WDR49: variants seen among roughly 807,000 people sequenced by gnomAD.
WDR49 encodes the protein WD repeat domain 49.
Under a neutral mutation model 119.5 loss-of-function variants are expected in WDR49, and 107 were observed. That is an observed-to-expected ratio of 0.90 (90% CI 0.77 to 1.05). The LOEUF (loss-of-function observed/expected upper bound fraction) is 1.05, where lower values mean the gene tolerates loss of function less well. WDR49 is among the 50% of genes least tolerant of loss of function. WDR49 has a pLI of 0.00. For synonymous variants in WDR49, 425 were observed against 418.8 expected (o/e 1.01, Z -0.18); for missense variants, 1,240 against 1,220.5 (o/e 1.02, Z -0.24).
At chr3:167,561,575 T>C (rs1319025890) in intron 8 of WDR49, among the ~76,000 whole-genome samples, 2 of 152,112 alleles carry the variant, frequency 1.3e-5, no homozygotes, top group Non-Finnish European at 2.9e-5. Flanking sequence ...GTGGAAAACC[T>C]GAAATCCACT....
intron 18 of WDR49, among the ~76,000 whole-genome samples, chr3:167,499,555 C>T (rs756301421): frequency 4.6e-5 from 7 of 152,152 alleles, no homozygotes; most frequent in Non-Finnish European, 8.8e-5. Context: ...AATTTTTCTA[C>T]AGAATTATTC....
chr3:167,512,463 G>T lies in WDR49; in HGVS notation c.2775-7047C>A, dbSNP rs996533026. Among the ~76,000 whole-genome samples, 3 of 152,240 alleles carry T rather than the reference G, an allele frequency of 2.0e-5. No homozygotes were observed. The South Asian group carries it at 6.2e-4, about 32-fold the overall frequency. The stretch of plus-strand genomic sequence containing the variant: ...ACAAAATCTCATCCAAAGGTCAGGA[G>T]CCTCAAAGATTGAAGGTAGATAAAC... On this transcript the variant is annotated intron_variant, in intron 16 of 18. Coordinates refer to ENST00000682715, the MANE Select transcript of WDR49 (RefSeq NM_001366157.1).
intron 9 of WDR49, among the ~76,000 whole-genome samples, chr3:167,558,953 G>A (rs1450464979): frequency 2.0e-5 from 3 of 152,102 alleles, no homozygotes; most frequent in Non-Finnish European, 4.4e-5. Flanking sequence ...CAATTATTGG[G>A]ATTATGGTTG....
At chr3:167,627,641 G>T (rs541128858) in intron 2 of WDR49, among the ~76,000 whole-genome samples, 4 of 152,106 alleles carry the variant, frequency 2.6e-5, no homozygotes, top group South Asian at 2.1e-4. Flanking sequence ...GGCAAGGAAA[G>T]GTTCTCCCCT....
intron 5 of WDR49, among the ~76,000 whole-genome samples, chr3:167,615,430 C>G (rs185130610): frequency 9.0e-4 from 134 of 148,622 alleles, no homozygotes; most frequent in African/African-American, 3.2e-3. Flanking sequence ...ACCACCACTC[C>G]CGGCTCTCCA....
At chr3:167,614,858 A>G (rs181240005) in intron 5 of WDR49, among the ~76,000 whole-genome samples, 233 of 152,368 alleles carry the variant, frequency 1.5e-3, no homozygotes, top group African/African-American at 5.4e-3. Context: ...AGTTCTAAGA[A>G]TATTGAATCA....
intron 8 of WDR49, among the ~76,000 whole-genome samples, chr3:167,561,078 G>A (rs1012492170): frequency 2.6e-5 from 4 of 152,144 alleles, no homozygotes; most frequent in African/African-American, 9.7e-5. Flanking sequence ...GAAGCTTAAA[G>A]CATTTCTTTT....
rs537598829 is a variant in WDR49 at position 167,582,899 on chromosome 3, G to A, written c.1276-6748C>T. ...AGAAGCAGAGGTTGAAGTGAGTCAA[G>A]ATCACTGCACTCCAGCCTGGGCAAT... On this transcript the variant is annotated intron_variant, in intron 7 of 18. Coordinates refer to ENST00000682715, the MANE Select transcript of WDR49 (RefSeq NM_001366157.1). Among the ~76,000 whole-genome samples, 12 of 151,698 alleles carry A rather than the reference G, an allele frequency of 7.9e-5. No individual in the cohort carries two copies. In the East Asian group the frequency reaches 2.3e-3, roughly 29 times the overall value.
rs1560269506 is a variant in WDR49 at position 167,527,968 on chromosome 3, A to G, written c.2456T>C (p.Leu819Pro). Residue 819 changes from leucine (L) to proline (P), a missense_variant, in exon 15 of 19, where the codon CTG (leucine) becomes CCG (proline). Transcript: ENST00000682715. The part of the protein sequence containing the change: ...SKNKITKAPT[L>P]IRSFQPHEDR... ...CTCATGAGGTTGGAATGATCTTATC[A>G]GAGTTGGGGCCTTGGTGATTTTGTT... is the stretch of plus-strand genomic sequence containing the variant. The G allele has an allele frequency of 6.2e-7, 1 of 1,613,296 alleles. No individual in the cohort carries two copies. Among genetic ancestry groups the G allele is most frequent in the Admixed American group, 1.7e-5 (1 of 59,874 alleles).
At chr3:167,582,257 C>T (rs1714574008) in intron 7 of WDR49, among the ~76,000 whole-genome samples, 1 of 152,062 alleles carries the variant, frequency 6.6e-6, no homozygotes, top group Admixed American at 6.6e-5. Flanking sequence ...TCCACAAAAG[C>T]ATAATCAGTA....
chr3:167,497,695 C>T (rs1237280009), intron 18 of WDR49, among the ~76,000 whole-genome samples: 4 of 152,096 alleles, frequency 2.6e-5, no homozygotes, highest in Non-Finnish European at 5.9e-5. Flanking sequence ...TCTCTGTCTC[C>T]TCTTCATCTT....
At chr3:167,597,906 A>G (rs973852766) in intron 7 of WDR49, among the ~76,000 whole-genome samples, 1 of 152,268 alleles carries the variant, frequency 6.6e-6, no homozygotes, top group African/African-American at 2.4e-5. Context: ...GGCAGAAGGG[A>G]CTTGCCTTGT....
At chr3:167,598,149 CAA>C (rs1715583088) in intron 7 of WDR49, among the ~76,000 whole-genome samples, 1 of 151,756 alleles carries the variant, frequency 6.6e-6, no homozygotes, top group African/African-American at 2.4e-5. Context: ...ACTGAAAACT[CAA>C]AGAATTAGCT....
At chr3:167,526,714 A>G (rs1202462017) in intron 15 of WDR49, among the ~76,000 whole-genome samples, 1 of 152,160 alleles carries the variant, frequency 6.6e-6, no homozygotes, top group African/African-American at 2.4e-5. Context: ...TTTCTGATTT[A>G]CCAACACCCT....
At chr3:167,570,585 G>T (rs985291197) in intron 8 of WDR49, among the ~76,000 whole-genome samples, 1 of 152,148 alleles carries the variant, frequency 6.6e-6, no homozygotes, top group African/African-American at 2.4e-5. Flanking sequence ...GGGTGGAAAA[G>T]TTTACTATAA....
intron 16 of WDR49, among the ~76,000 whole-genome samples, chr3:167,507,168 G>T (rs537262633): frequency 2.8e-4 from 42 of 152,180 alleles, no homozygotes; most frequent in Admixed American, 8.5e-4. Flanking sequence ...AGAGGGGATG[G>T]GGGGGTAGTT....
At chr3:167,633,448 G>A (rs541296106) in intron 2 of WDR49, 5 of 456,134 alleles carry the variant, frequency 1.1e-5, no homozygotes, top group East Asian at 1.4e-4. Flanking sequence ...ATACAAGAGC[G>A]ACATTTCATC....
intron 7 of WDR49, among the ~76,000 whole-genome samples, chr3:167,591,828 T>A (rs1482867475): frequency 6.6e-6 from 1 of 152,078 alleles, no homozygotes; most frequent in Non-Finnish European, 1.5e-5. Context: ...AATTGGGTCT[T>A]GTTTTTTTTT....
rs1489241079 is a variant in WDR49, at chr3:167,500,313, G to C, written c.2885-14C>G. On this transcript the variant is annotated splice_polypyrimidine_tract_variant and intron_variant, in intron 17 of 18. Coordinates refer to ENST00000682715, the MANE Select transcript of WDR49 (RefSeq NM_001366157.1). ...ACCTAAATGTACCTTCACAACAGCAGGTTTTAGAGGAAGACAGGGAGAAAA... is the reference window on the plus strand; with the variant it reads ...ACCTAAATGTACCTTCACAACAGCACGTTTTAGAGGAAGACAGGGAGAAAA... 6.2e-7 allele frequency: 1 copy of C among 1,603,890 alleles called. No individual in the cohort carries two copies. The highest frequency in any genetic ancestry group is 8.5e-7 in the Non-Finnish European group (1 of 1,176,930).
Sources: allele counts gnomAD v4.1 joint callset (sites outside exome capture counted in the v4.1 genomes callset), GRCh38; gene constraint gnomAD v4.1.1; transcripts MANE v1.5; gene names NCBI Gene and HGNC (gene_info 2026-07-23, HGNC 2026-07-21).